The following ZNF875 variants were observed in gnomAD, a reference collection of about 807,000 sequenced individuals.
The protein encoded by ZNF875 is HKR1, GLI-Kruppel zinc finger family member.
Under a neutral mutation model 11.2 loss-of-function variants are expected in ZNF875, and 14 were observed. The observed-to-expected ratio is 1.26, with a 90% CI of 0.83 to 1.96. The LOEUF (loss-of-function observed/expected upper bound fraction) is 1.96, where lower values mean the gene tolerates loss of function less well. Ranked by LOEUF, ZNF875 falls within the 30% of genes most tolerant of loss-of-function variation. The pLI is 0.00. For missense variants in ZNF875, 752 were observed against 760.4 expected (o/e 0.99, Z 0.13); for synonymous variants, 301 against 281.1 (o/e 1.07, Z -0.71).
chr19:37,353,923 C>G (rs940126632), intron 4 of ZNF875, among the ~76,000 whole-genome samples: 6 of 152,112 alleles, frequency 3.9e-5, no homozygotes, highest in Non-Finnish European at 7.4e-5. Flanking sequence ...ATTTTCTATT[C>G]ACTGTGAGAA....
At chr19:37,334,513 G>C, upstream of ZNF875, 1 of 355,192 alleles carries the variant, frequency 2.8e-6, no homozygotes, top group South Asian at 2.1e-5. Flanking sequence ...GCGCTGTGCA[G>C]ATGTCAGTCA....
Position 37,363,034 on chromosome 19 carries a change from C to T in ZNF875, c.1182C>T (p.Tyr394=), listed in dbSNP as rs775828569. ...GGACACATTCAGGAGAGAAGCCTTA[C>T]ATTTGCAGGGAGTGTGAGCAAGGCT... The part of the protein sequence containing the change: ...HKRTHSGEKP[Y]ICRECEQGFS... Residue 394 remains tyrosine, a synonymous_variant, in exon 5 of 5, where the codon TAC becomes TAT. Transcript: ENST00000392153. 7.8e-5 allele frequency: 126 copies of T among 1,613,838 alleles called. No individual in the cohort carries two copies. The highest frequency in any genetic ancestry group is 9.7e-5 in the Non-Finnish European group (115 of 1,179,980).
rs767652525 is a variant in ZNF875, at chr19:37,362,727, C to T, written c.875C>T (p.Thr292Met). ...YVCRECGRGFTWKSNLITHQR... is the reference protein window; with the variant it reads ...YVCRECGRGFMWKSNLITHQR... Reference sequence around the variant, plus strand: ...TGCAGGGAATGTGGGCGAGGCTTTACGTGGAAGTCAAACCTGATCACACAT... The same window carrying T: ...TGCAGGGAATGTGGGCGAGGCTTTATGTGGAAGTCAAACCTGATCACACAT... The change falls in exon 5 of 5, where the codon ACG becomes ATG. Residue 292 changes from threonine to methionine, a missense_variant. Coordinates refer to ENST00000392153, the MANE Select transcript of ZNF875 (RefSeq NM_001353803.2). 13 of 1,608,046 alleles carry T rather than the reference C, an allele frequency of 8.1e-6. No homozygotes were observed. In the Admixed American group the frequency reaches 8.4e-5, roughly 10 times the overall value.
At chr19:37,316,564 T>C (rs1387095119), upstream of ZNF875, among the ~76,000 whole-genome samples, 2 of 151,642 alleles carry the variant, frequency 1.3e-5, no homozygotes, top group African/African-American at 4.8e-5. Flanking sequence ...GAGACGGAGT[T>C]TCACCATGTT....
intron 3 of ZNF875, 92 bp from the exon 4 acceptor site, chr19:37,347,685 T>C: frequency 1.3e-6 from 1 of 798,690 alleles, no homozygotes; most frequent in South Asian, 1.5e-5. Flanking sequence ...TTTTTTATCC[T>C]CTGGGTTTCC....
At chr19:37,340,452 T>C (rs2035463106) in intron 2 of ZNF875, among the ~76,000 whole-genome samples, 2 of 152,184 alleles carry the variant, frequency 1.3e-5, no homozygotes, top group South Asian at 4.1e-4. Context: ...ACTACATGTT[T>C]CTGTAATCCT....
chr19:37,355,849 T>A (rs2038810113), intron 4 of ZNF875, among the ~76,000 whole-genome samples: 1 of 152,220 alleles, frequency 6.6e-6, no homozygotes, highest in Non-Finnish European at 1.5e-5. Context: ...TATGTAATGC[T>A]GGGGTTTGGG....
chr19:37,363,604 G>A lies in ZNF875; in HGVS notation c.1752G>A (p.Gly584=). ...TLIKHQRAHA[G]GKPHVCRECG... The stretch of plus-strand genomic sequence containing the variant: ...TTAAACACCAGAGAGCACACGCAGG[G>A]GGGAAGCCTCATGTGTGCAGGGAGT... The change falls in exon 5 of 5, where the codon GGG becomes GGA. Residue 584 remains glycine, a synonymous_variant. Transcript: ENST00000392153. 1.2e-6 allele frequency: 2 copies of A among 1,613,144 alleles called. No homozygotes were observed. The highest frequency in any genetic ancestry group is 1.7e-6 in the Non-Finnish European group (2 of 1,179,756).
At chr19:37,350,428 T>C (rs2037654424) in intron 4 of ZNF875, among the ~76,000 whole-genome samples, 1 of 152,068 alleles carries the variant, frequency 6.6e-6, no homozygotes, top group African/African-American at 2.4e-5. Flanking sequence ...AAATAATTTG[T>C]CTCAATTTAT....
intron 4 of ZNF875, among the ~76,000 whole-genome samples, chr19:37,325,850 A>G (rs902176385): frequency 1.3e-5 from 2 of 152,044 alleles, no homozygotes; most frequent in African/African-American, 4.8e-5. Context: ...TGGGACCACA[A>G]ACATGTGCCA....
At chr19:37,354,055 CAT>C (rs1376669768) in intron 4 of ZNF875, among the ~76,000 whole-genome samples, 4 of 152,022 alleles carry the variant, frequency 2.6e-5, no homozygotes, top group Non-Finnish European at 5.9e-5. Flanking sequence ...CATATTGTCT[CAT>C]AAGCTTCTGT....
intron 4 of ZNF875, 172 bp from the exon 5 acceptor site, chr19:37,361,937 A>G: frequency 1.9e-6 from 1 of 517,664 alleles, no homozygotes; most frequent in Non-Finnish European, 3.3e-6. Flanking sequence ...AAAAAACAAA[A>G]GAAAGTGTAA....
In ZNF875 at chr19:37,322,501, C is replaced by T. The variant is rs146528220; in HGVS notation, c.-699+269C>T. Reference sequence around the variant, plus strand: ...GAAAGTGAGTTTCTTTGCGCTTATCCAGTGATTGATTTTCAGTCAATGAGC... The same window carrying T: ...GAAAGTGAGTTTCTTTGCGCTTATCTAGTGATTGATTTTCAGTCAATGAGC... On this transcript the variant is annotated intron_variant, in intron 2 of 5. Coordinates refer to the ZNF875 transcript ENST00000544914. Among the ~76,000 whole-genome samples, 991 of 152,284 alleles carry T rather than the reference C, an allele frequency of 6.5e-3. 4 individuals are homozygous for T. The highest frequency in any genetic ancestry group is 0.011 in the Non-Finnish European group (749 of 68,020).
intron 1 of ZNF875, among the ~76,000 whole-genome samples, chr19:37,319,344 C>CATATATATATATATATATATGT (rs1555790744): frequency 1.8e-5 from 2 of 112,350 alleles, no homozygotes; most frequent in African/African-American, 8.4e-5. Context: ...CTGCAGCCGG[C>CATATATATATATATATATATGT]ATATATATAT....
chr19:37,328,139 CTG>C (rs2032817515), intron 4 of ZNF875, among the ~76,000 whole-genome samples: 1 of 152,094 alleles, frequency 6.6e-6, no homozygotes, highest in African/African-American at 2.4e-5. Flanking sequence ...ATTTGGGAGA[CTG>C]AGACAGGAGA....
chr19:37,359,502 C>A, intron 4 of ZNF875: 1 of 278,524 alleles, frequency 3.6e-6, no homozygotes. Flanking sequence ...CTCCTGGGTT[C>A]AAGCAATTCC....
At chr19:37,329,147 T>TTGCTCTTC (rs2032992248) in intron 4 of ZNF875, 1 of 152,238 alleles carries the variant, frequency 6.6e-6, no homozygotes, top group African/African-American at 2.4e-5. Context: ...CACACACATC[T>TTGCTCTTC]GCTCACTGCT....
intron 2 of ZNF875, chr19:37,344,912 T>G: frequency 1.5e-6 from 1 of 664,884 alleles, no homozygotes; most frequent in Non-Finnish European, 2.8e-6. Context: ...GGCAGATACC[T>G]GAATAGCCTT....
chr19:37,361,109 CTTTT>C (rs772368148), intron 4 of ZNF875, among the ~76,000 whole-genome samples: 3 of 115,810 alleles, frequency 2.6e-5, no homozygotes, highest in Non-Finnish European at 1.7e-5. Flanking sequence ...TTGTCTTCTC[CTTTT>C]TTTTTTTTTT....
Sources: gnomAD v4.1 joint callset for allele counts (sites outside exome capture counted in the v4.1 genomes callset) on GRCh38, gnomAD v4.1.1 for gene constraint, MANE v1.5 for transcripts, NCBI Gene and HGNC (gene_info 2026-07-23, HGNC 2026-07-21) for gene names.